Variants in KCTD16 observed in about 807,000 individuals in gnomAD.
The protein encoded by KCTD16 is potassium channel tetramerization domain containing 16.
Under a neutral mutation model 33.2 loss-of-function variants are expected in KCTD16, and 13 were observed. The observed-to-expected ratio is 0.39, with a 90% CI of 0.25 to 0.62. KCTD16 has a LOEUF of 0.62. KCTD16 is among the 20% of genes least tolerant of loss of function. KCTD16 has a pLI of 0.50. For missense variants in KCTD16, 441 were observed against 525.1 expected (o/e 0.84, Z 1.57); for synonymous variants, 197 against 195.3 (o/e 1.01, Z -0.07).
intron 3 of KCTD16, among the ~76,000 whole-genome samples, chr5:144,335,569 T>C (rs1752465986): frequency 6.6e-6 from 1 of 152,022 alleles, no homozygotes. Context: ...CACACTACAA[T>C]GACACAGCAT....
intron 3 of KCTD16, among the ~76,000 whole-genome samples, chr5:144,403,471 A>G (rs1313302941): frequency 6.6e-6 from 1 of 152,036 alleles, no homozygotes; most frequent in Non-Finnish European, 1.5e-5. Flanking sequence ...AAGAGATCTG[A>G]GTGATATGTC....
In KCTD16 at chr5:144,299,070, A is replaced by T. The variant is rs1321063494; in HGVS notation, c.832+91524A>T. Among the ~76,000 whole-genome samples the T allele has an allele frequency of 1.3e-3, 92 of 72,988 alleles. 1 individual carries two copies. Among genetic ancestry groups the T allele is most frequent in the East Asian group, 6.7e-3 (22 of 3,290 alleles). 47.9% of individuals were successfully genotyped at this position (72,988 alleles called of 152,430 possible). A position where few individuals can be genotyped will look rare whatever the true frequency, so the allele number is the denominator to read the frequency against. The stretch of plus-strand genomic sequence containing the variant: ...TATATATATATATATATATATATAT[A>T]TATTTTTGTATATATATATCACTAT... On this transcript the variant is annotated intron_variant, in intron 3 of 3. Transcript: ENST00000512467.
chr5:144,369,126 C>T (rs1465086404), intron 3 of KCTD16, among the ~76,000 whole-genome samples: 1 of 152,180 alleles, frequency 6.6e-6, no homozygotes, highest in Non-Finnish European at 1.5e-5. Flanking sequence ...AGCAGCTCTG[C>T]ACCTGCAGAA....
chr5:144,286,405 T>C (rs1755747007), intron 3 of KCTD16, among the ~76,000 whole-genome samples: 2 of 152,296 alleles, frequency 1.3e-5, no homozygotes, highest in African/African-American at 4.8e-5. Flanking sequence ...CTCAAAAGCC[T>C]CTAAGATTTG....
At chr5:144,264,024 C>T (rs1246178420) in intron 3 of KCTD16, among the ~76,000 whole-genome samples, 1 of 152,214 alleles carries the variant, frequency 6.6e-6, no homozygotes, top group Non-Finnish European at 1.5e-5. Flanking sequence ...CCAAGAGCTC[C>T]ATCTCCTAAT....
chr5:144,291,160 A>G (rs886761057), intron 3 of KCTD16, among the ~76,000 whole-genome samples: 2 of 152,186 alleles, frequency 1.3e-5, no homozygotes, highest in Non-Finnish European at 2.9e-5. Context: ...GAAAGAGCAA[A>G]GACATGGGTT....
At chr5:144,376,444 G>T (rs1285698145) in intron 3 of KCTD16, among the ~76,000 whole-genome samples, 1 of 152,082 alleles carries the variant, frequency 6.6e-6, no homozygotes, top group African/African-American at 2.4e-5. Context: ...GACCTCCACT[G>T]GAGAGAAATG....
Position 144,483,711 on chromosome 5 carries a change from A to AAG in KCTD16, c.*9597_*9598insAG. The AAG allele has an allele frequency of 6.6e-6, 1 of 152,132 alleles. No homozygotes were observed. The highest frequency in any genetic ancestry group is 1.9e-4 in the East Asian group (1 of 5,142). The allele number at this position is 152,132 out of a possible 1,614,324, so 9.4% of individuals were successfully genotyped here. A position where few individuals can be genotyped will look rare whatever the true frequency, so the allele number is the denominator to read the frequency against. On this transcript the variant is annotated 3_prime_UTR_variant, in exon 4 of 4. Transcript: ENST00000512467. ...ATATTTAAAGTCAACCTATGCAAAC[A>AAG]GAGATTCCCTGCTGCTCCTTGGGAT...
At chr5:144,396,468 T>TA (rs1022994976) in intron 3 of KCTD16, among the ~76,000 whole-genome samples, 5 of 152,174 alleles carry the variant, frequency 3.3e-5, no homozygotes, top group African/African-American at 1.2e-4. Flanking sequence ...TATACTTGAA[T>TA]AAAACTCGGA....
At chr5:144,441,533 T>C (rs62401788) in intron 3 of KCTD16, among the ~76,000 whole-genome samples, 1 of 152,136 alleles carries the variant, frequency 6.6e-6, no homozygotes, top group Non-Finnish European at 1.5e-5. Context: ...TTCATTCTTA[T>C]GCATGTGGAT....
intron 3 of KCTD16, among the ~76,000 whole-genome samples, chr5:144,238,105 A>G (rs1240401989): frequency 6.6e-6 from 1 of 152,172 alleles, no homozygotes; most frequent in African/African-American, 2.4e-5. Context: ...AGTTCTGCAA[A>G]TGTTTCTCAT....
At chr5:144,208,753 A>G (rs1391913057) in intron 3 of KCTD16, among the ~76,000 whole-genome samples, 3 of 152,238 alleles carry the variant, frequency 2.0e-5, no homozygotes, top group Non-Finnish European at 4.4e-5. Context: ...TTCTCTACTA[A>G]GCTATCACAC....
At chr5:144,188,991 T>A (rs1490452760) in intron 2 of KCTD16, among the ~76,000 whole-genome samples, 1 of 152,122 alleles carries the variant, frequency 6.6e-6, no homozygotes, top group Non-Finnish European at 1.5e-5. Flanking sequence ...GTGTAGGGTG[T>A]CTAAGTAGCA....
intron 3 of KCTD16, among the ~76,000 whole-genome samples, chr5:144,299,072 A>ATATATATATATATATATT (rs1491103244): frequency 3.5e-5 from 2 of 57,434 alleles, no homozygotes; most frequent in East Asian, 3.8e-4. Context: ...ATATATATAT[A>ATATATATATATATATATT]TTTTTGTATA....
intron 3 of KCTD16, among the ~76,000 whole-genome samples, chr5:144,359,775 G>A (rs1011472496): frequency 6.6e-6 from 1 of 151,698 alleles, no homozygotes; most frequent in Non-Finnish European, 1.5e-5. Context: ...TAGGGCCAAA[G>A]CTAAAAAAAC....
At chr5:144,417,605 A>G (rs570355526) in intron 3 of KCTD16, among the ~76,000 whole-genome samples, 36 of 152,246 alleles carry the variant, frequency 2.4e-4, no homozygotes, top group Non-Finnish European at 4.3e-4. Context: ...ATATTTTTAA[A>G]TTTTTGATGA....
intron 3 of KCTD16, among the ~76,000 whole-genome samples, chr5:144,381,064 G>T (rs576749250): frequency 6.6e-6 from 1 of 152,110 alleles, no homozygotes; most frequent in East Asian, 1.9e-4. Context: ...ATCTGATAAA[G>T]GTCTAATATC....
chr5:144,270,438 G>C (rs1264473253), intron 3 of KCTD16, among the ~76,000 whole-genome samples: 1 of 151,796 alleles, frequency 6.6e-6, no homozygotes, highest in Non-Finnish European at 1.5e-5. Context: ...ATGGATCAAA[G>C]AGGAAATTAC....
chr5:144,452,512 AG>A (rs1753967633), intron 3 of KCTD16, among the ~76,000 whole-genome samples: 1 of 152,058 alleles, frequency 6.6e-6, no homozygotes, highest in Non-Finnish European at 1.5e-5. Context: ...GAGGGGAAAG[AG>A]AGAAATAGGG....
Sources: gnomAD v4.1 joint callset for allele counts (sites outside exome capture counted in the v4.1 genomes callset) on GRCh38, gnomAD v4.1.1 for gene constraint, MANE v1.5 for transcripts, NCBI Gene and HGNC (gene_info 2026-07-23, HGNC 2026-07-21) for gene names.